MAN1C1: variants seen among roughly 807,000 people sequenced by gnomAD.
MAN1C1 encodes the protein mannosidase alpha class 1C member 1.
Under a neutral mutation model 71.5 loss-of-function variants are expected in MAN1C1, and 49 were observed. The ratio of observed to expected loss-of-function variants is 0.69; its 90% CI spans 0.54 to 0.87. The LOEUF (loss-of-function observed/expected upper bound fraction) is 0.87, where lower values mean the gene tolerates loss of function less well. MAN1C1 is among the 40% of genes least tolerant of loss of function. MAN1C1 has a pLI of 0.00. For missense variants in MAN1C1, 743 were observed against 835.0 expected (o/e 0.89, Z 1.36); for synonymous variants, 352 against 343.7 (o/e 1.02, Z -0.27).
intron 2 of MAN1C1, among the ~76,000 whole-genome samples, chr1:25,734,578 G>A (rs907001570): frequency 2.0e-5 from 3 of 152,228 alleles, no homozygotes; most frequent in African/African-American, 4.8e-5. Context: ...TCCACCCTGG[G>A]CTAGGATCTC....
intron 5 of MAN1C1, among the ~76,000 whole-genome samples, chr1:25,756,462 G>GA (rs2047287942): frequency 2.0e-5 from 2 of 102,392 alleles, no homozygotes; most frequent in Admixed American, 1.9e-4. Context: ...GCCCATGTGG[G>GA]GGAAAAGGAG....
intron 2 of MAN1C1, chr1:25,710,047 G>C (rs1295780610): frequency 6.6e-6 from 1 of 152,076 alleles, no homozygotes; most frequent in Non-Finnish European, 1.5e-5. Flanking sequence ...AGCCCAGCTG[G>C]AAACACTATA....
intron 1 of MAN1C1, among the ~76,000 whole-genome samples, chr1:25,663,160 A>G (rs2045875448): frequency 6.8e-6 from 1 of 148,046 alleles, no homozygotes. Flanking sequence ...ACATGTATAT[A>G]TATTTTATTT....
intron 2 of MAN1C1, among the ~76,000 whole-genome samples, chr1:25,691,955 C>T (rs1450798157): frequency 6.6e-6 from 1 of 152,200 alleles, no homozygotes; most frequent in Non-Finnish European, 1.5e-5. Flanking sequence ...GTGAGAAATT[C>T]ATCCTCCCTT....
rs72877404 is a variant in MAN1C1 at position 25,775,086 on chromosome 1, G to C, written c.1258-3019G>C. 6.6e-6 allele frequency among the ~76,000 whole-genome samples: 1 copy of C among 152,206 alleles called. No individual in the cohort carries two copies. Among genetic ancestry groups the C allele is most frequent in the Non-Finnish European group, 1.5e-5 (1 of 68,040 alleles). Reference sequence around the variant, plus strand: ...TGTGGGAGGCGGTCTGGAAGGTGCAGGTGCCAGGTCTGGTGCGCAGCATCC... The same window carrying C: ...TGTGGGAGGCGGTCTGGAAGGTGCACGTGCCAGGTCTGGTGCGCAGCATCC... On this transcript the variant is annotated intron_variant, in intron 8 of 11. Transcript: ENST00000374332. The surrounding 1 kb of genome is among the most constrained non-coding windows in gnomAD (Gnocchi z 5.1).
At chr1:25,625,635 G>A (rs947990381) in intron 1 of MAN1C1, among the ~76,000 whole-genome samples, 4 of 152,158 alleles carry the variant, frequency 2.6e-5, no homozygotes, top group Non-Finnish European at 5.9e-5. Flanking sequence ...GGGCAACATA[G>A]CAAGACCCTG....
At position 25,631,115 on chromosome 1, in the gene MAN1C1, C is replaced by G. The variant is rs2045372959; in HGVS notation, c.540+12778C>G. Among the ~76,000 whole-genome samples, 1 of 152,148 alleles carries G rather than the reference C, an allele frequency of 6.6e-6. No individual in the cohort carries two copies. The highest frequency in any genetic ancestry group is 6.5e-5 in the Admixed American group (1 of 15,280). Reference sequence around the variant, plus strand: ...GAGCAGCTGGGATTACAGGCATGTACCACCACGCCTGGTTAATTTTTTTTG... The same window carrying G: ...GAGCAGCTGGGATTACAGGCATGTAGCACCACGCCTGGTTAATTTTTTTTG... On this transcript the variant is annotated intron_variant, in intron 1 of 11. Coordinates refer to ENST00000374332, the MANE Select transcript of MAN1C1 (RefSeq NM_020379.4). This position sits in a 1 kb window ranked among gnomAD's most constrained non-coding sequence, Gnocchi z 4.2.
Position 25,753,973 on chromosome 1 carries a change from T to A in MAN1C1, c.929+395T>A, listed in dbSNP as rs1280448356. On this transcript the variant is annotated intron_variant, in intron 5 of 11. Transcript: ENST00000374332. The surrounding 1 kb of genome is among the most constrained non-coding windows in gnomAD (Gnocchi z 4.9). ...TTCCACAATGGCCCCAAACACTCTCTTCCCCCGCTGGGGTTCCGGAGCCAG... is the reference window on the plus strand; with the variant it reads ...TTCCACAATGGCCCCAAACACTCTCATCCCCCGCTGGGGTTCCGGAGCCAG... Among the ~76,000 whole-genome samples, 3 of 152,122 alleles carry A rather than the reference T, an allele frequency of 2.0e-5. No individual in the cohort carries two copies. Among genetic ancestry groups the A allele is most frequent in the Admixed American group, 1.3e-4 (2 of 15,272 alleles).
intron 5 of MAN1C1, among the ~76,000 whole-genome samples, chr1:25,757,201 C>G (rs111528124): frequency 2.1e-4 from 32 of 152,330 alleles, no homozygotes; most frequent in African/African-American, 6.7e-4. Flanking sequence ...CAGTGACCTC[C>G]ACACCCCCAC....
chr1:25,629,253 G>A (rs2045344935), intron 1 of MAN1C1, among the ~76,000 whole-genome samples: 1 of 152,106 alleles, frequency 6.6e-6, no homozygotes, highest in African/African-American at 2.4e-5. Flanking sequence ...CAATGCCAAT[G>A]TCTATTGTTT....
At chr1:25,665,799 A>G (rs1487309800) in intron 1 of MAN1C1, among the ~76,000 whole-genome samples, 4 of 151,540 alleles carry the variant, frequency 2.6e-5, no homozygotes, top group Non-Finnish European at 4.4e-5. Flanking sequence ...AAGTACTCAA[A>G]ATCATTCTCT....
At position 25,688,012 on chromosome 1, in the gene MAN1C1, G is replaced by T. The variant is rs116732792; in HGVS notation, c.637+1476G>T. ...GAAGTCATCTAAATGTTTTCATAAA[G>T]AATGTTTTAACGGTGTCTGTGATTG... On this transcript the variant is annotated intron_variant, in intron 2 of 11. Coordinates refer to ENST00000374332, the MANE Select transcript of MAN1C1 (RefSeq NM_020379.4). Among the ~76,000 whole-genome samples, 1,487 of 152,116 alleles carry T rather than the reference G, an allele frequency of 9.8e-3. 27 individuals are homozygous for T. The highest frequency in any genetic ancestry group is 0.032 in the African/African-American group (1,322 of 41,494).
At chr1:25,736,699 G>A (rs1207514366) in intron 2 of MAN1C1, among the ~76,000 whole-genome samples, 4 of 152,096 alleles carry the variant, frequency 2.6e-5, no homozygotes, top group African/African-American at 9.7e-5. Flanking sequence ...GCAAATTTTT[G>A]CATTTTTTGT....
At chr1:25,647,842 G>C (rs2045637014) in intron 1 of MAN1C1, among the ~76,000 whole-genome samples, 1 of 152,186 alleles carries the variant, frequency 6.6e-6, no homozygotes, top group South Asian at 2.1e-4. Flanking sequence ...TGAGTCCCCA[G>C]GCTCTCTTGG....
chr1:25,741,960 G>C (rs1429007941), intron 2 of MAN1C1, among the ~76,000 whole-genome samples: 1 of 152,188 alleles, frequency 6.6e-6, no homozygotes, highest in Non-Finnish European at 1.5e-5. Context: ...GGGTATGAGA[G>C]AGGCAGTGGG....
At chr1:25,702,280 C>T (rs1031984184) in intron 2 of MAN1C1, among the ~76,000 whole-genome samples, 3 of 152,152 alleles carry the variant, frequency 2.0e-5, no homozygotes, top group Admixed American at 6.5e-5. Context: ...GGGCCCACAT[C>T]GCCCCTGGCA....
intron 7 of MAN1C1, among the ~76,000 whole-genome samples, chr1:25,771,170 ACT>A (rs2047545986): frequency 6.6e-6 from 1 of 152,252 alleles, no homozygotes; most frequent in South Asian, 2.1e-4. Context: ...CTAAATTTAA[ACT>A]CTGTTTTTCC....
At chr1:25,673,128 G>C (rs761386484) in intron 1 of MAN1C1, among the ~76,000 whole-genome samples, 1 of 152,172 alleles carries the variant, frequency 6.6e-6, no homozygotes. Flanking sequence ...GAGGAAAGGA[G>C]ACTTGAGAGG....
At position 25,769,190 on chromosome 1, in the gene MAN1C1, G is replaced by A. The variant is rs954824974; in HGVS notation, c.1142-2467G>A. On this transcript the variant is annotated intron_variant, in intron 7 of 11. Transcript: ENST00000374332. This position sits in a 1 kb window ranked among gnomAD's most constrained non-coding sequence, Gnocchi z 4.8. ...CACACCCCACACATTACACACACTC[G>A]CCTCATGCACACACCCCACACACTA... Among the ~76,000 whole-genome samples the A allele has an allele frequency of 3.0e-5, 4 of 133,780 alleles. No homozygotes were observed. Among genetic ancestry groups the A allele is most frequent in the Admixed American group, 2.9e-4 (4 of 13,594 alleles). 87.8% of individuals were successfully genotyped at this position (133,780 alleles called of 152,430 possible). A position where few individuals can be genotyped will look rare whatever the true frequency, so the allele number is the denominator to read the frequency against.
Sources: gnomAD v4.1 joint callset for allele counts (sites outside exome capture counted in the v4.1 genomes callset) on GRCh38, gnomAD v4.1.1 for gene constraint, Gnocchi (gnomAD v3.1) non-coding constraint, MANE v1.5 for transcripts, NCBI Gene and HGNC (gene_info 2026-07-23, HGNC 2026-07-21) for gene names.